GALNT17: variants seen among roughly 807,000 people sequenced by gnomAD.
GALNT17 encodes the protein UDP-GalNAc:polypeptide N-acetylgalactosaminyltransferase-like 3.
In GALNT17, 29 loss-of-function variants were observed where a neutral mutation model predicts 63.7. The ratio of observed to expected loss-of-function variants is 0.46; its 90% confidence interval spans 0.34 to 0.62. The LOEUF (loss-of-function observed/expected upper bound fraction) is 0.62, where lower values mean the gene tolerates loss of function less well. GALNT17 is among the 20% of genes least tolerant of loss of function. GALNT17 has a pLI of 0.01. For synonymous variants in GALNT17, 305 were observed against 318.3 expected (o/e 0.96, Z 0.45); for missense variants, 603 against 799.6 (o/e 0.75, Z 2.97).
chr7:71,530,084 C>A (rs1156511713), intron 5 of GALNT17, among the ~76,000 whole-genome samples: 1 of 152,156 alleles, frequency 6.6e-6, no homozygotes, highest in African/African-American at 2.4e-5. Context: ...TCCATTTTAA[C>A]CAAGGCAGTG....
intron 1 of GALNT17, among the ~76,000 whole-genome samples, chr7:71,253,858 C>T (rs1338349161): frequency 6.6e-6 from 1 of 152,166 alleles, no homozygotes; most frequent in African/African-American, 2.4e-5. Context: ...TTCCACAGTA[C>T]CATGAATTGT....
At chr7:71,214,923 C>A (rs1044282728) in intron 1 of GALNT17, among the ~76,000 whole-genome samples, 6 of 152,142 alleles carry the variant, frequency 3.9e-5, no homozygotes, top group African/African-American at 1.4e-4. Flanking sequence ...AGATTAGGTT[C>A]CTTGTTGCAT....
At chr7:71,327,112 C>G (rs547047739) in intron 1 of GALNT17, among the ~76,000 whole-genome samples, 2 of 152,168 alleles carry the variant, frequency 1.3e-5, no homozygotes, top group African/African-American at 2.4e-5. Context: ...GTGTGTCAGG[C>G]ACTGGAGGTG....
intron 9 of GALNT17, among the ~76,000 whole-genome samples, chr7:71,703,646 G>T (rs1791683762): frequency 6.6e-6 from 1 of 152,156 alleles, no homozygotes. Context: ...AGTAACAATG[G>T]CAGAAGTTAG....
intron 6 of GALNT17, among the ~76,000 whole-genome samples, chr7:71,648,283 T>TC (rs1399406020): frequency 6.6e-6 from 1 of 152,132 alleles, no homozygotes; most frequent in African/African-American, 2.4e-5. Context: ...TTTTTTTTTT[T>TC]TTTAAGAGAC....
chr7:71,388,551 G>A, intron 3 of GALNT17, 150 bp downstream of exon 3: 1 of 998,746 alleles, frequency 1.0e-6, no homozygotes, highest in Non-Finnish European at 1.4e-6. Context: ...TTTTGAGATG[G>A]AGTCTTGCTG....
intron 8 of GALNT17, among the ~76,000 whole-genome samples, chr7:71,674,077 G>C (rs1294504024): frequency 6.6e-6 from 1 of 152,210 alleles, no homozygotes; most frequent in Admixed American, 6.5e-5. Flanking sequence ...ATTTGGAAGA[G>C]AGAAGCCTTT....
chr7:71,646,914 T>A (rs1207043092), intron 6 of GALNT17, among the ~76,000 whole-genome samples: 1 of 151,144 alleles, frequency 6.6e-6, no homozygotes, highest in African/African-American at 2.4e-5. Flanking sequence ...ACCCAGCTAA[T>A]TTTTTGTATT....
chr7:71,377,114 A>AAAAAAAAAAAATATATATAT, intron 2 of GALNT17, among the ~76,000 whole-genome samples: 1 of 57,486 alleles, frequency 1.7e-5, no homozygotes, highest in African/African-American at 9.4e-5. Flanking sequence ...AAATAAAAAA[A>AAAAAAAAAAAATATATATAT]ATATATATAT....
chr7:71,705,136 G>A (rs565011388), intron 9 of GALNT17, among the ~76,000 whole-genome samples: 98 of 152,246 alleles, frequency 6.4e-4, no homozygotes, highest in African/African-American at 2.3e-3. Flanking sequence ...TTAGTATCCA[G>A]AATATGTAAA....
At chr7:71,406,050 G>C (rs1211556538) in intron 3 of GALNT17, among the ~76,000 whole-genome samples, 1 of 152,142 alleles carries the variant, frequency 6.6e-6, no homozygotes, top group African/African-American at 2.4e-5. Flanking sequence ...GGAATGTTAC[G>C]AGTTTCCAAG....
chr7:71,710,685 A>AC, intron 9 of GALNT17, 76 bp from the exon 10 acceptor site: 1 of 1,538,910 alleles, frequency 6.5e-7, no homozygotes. Flanking sequence ...AAGCCGAGAG[A>AC]CCTGAGCCCT....
At chr7:71,656,226 G>A (rs1167116518) in intron 6 of GALNT17, among the ~76,000 whole-genome samples, 1 of 152,138 alleles carries the variant, frequency 6.6e-6, no homozygotes, top group Non-Finnish European at 1.5e-5. Flanking sequence ...ACGCCCACAT[G>A]CTGGCAGGAT....
At chr7:71,687,310 A>G (rs998955885) in intron 9 of GALNT17, among the ~76,000 whole-genome samples, 35 of 152,186 alleles carry the variant, frequency 2.3e-4, no homozygotes, top group African/African-American at 7.0e-4. Context: ...ACATCATCCA[A>G]ACACCTTGTC....
At chr7:71,666,807 T>TA (rs5884852) in intron 7 of GALNT17, among the ~76,000 whole-genome samples, 1 of 26,020 alleles carries the variant, frequency 3.8e-5, no homozygotes, top group African/African-American at 3.2e-4. Context: ...TTTATTTGTA[T>TA]TTTTTATTGT....
intron 1 of GALNT17, among the ~76,000 whole-genome samples, chr7:71,304,754 C>CT (rs549137032): frequency 0.013 from 1,931 of 145,196 alleles, 31 homozygotes; most frequent in African/African-American, 0.042. Context: ...TTTCTTTTTT[C>CT]TTTTTTTTTT....
intron 5 of GALNT17, among the ~76,000 whole-genome samples, chr7:71,433,221 G>C (rs1221315781): frequency 6.6e-6 from 1 of 152,126 alleles, no homozygotes; most frequent in Non-Finnish European, 1.5e-5. Flanking sequence ...TGTATAGAGG[G>C]CTCTAAAAAC....
chr7:71,184,006 C>T (rs1788784793), intron 1 of GALNT17, among the ~76,000 whole-genome samples: 1 of 152,180 alleles, frequency 6.6e-6, no homozygotes, highest in Non-Finnish European at 1.5e-5. Flanking sequence ...GTCCTAACCT[C>T]CAGCACCTCC....
chr7:71,601,604 A>G (rs1363839361), intron 6 of GALNT17, among the ~76,000 whole-genome samples: 1 of 152,072 alleles, frequency 6.6e-6, no homozygotes, highest in Non-Finnish European at 1.5e-5. Flanking sequence ...CAACACAGGA[A>G]GACCCTGTTT....
Sources: allele counts gnomAD v4.1 joint callset (sites outside exome capture counted in the v4.1 genomes callset), GRCh38; gene constraint gnomAD v4.1.1; transcripts MANE v1.5; gene names NCBI Gene and HGNC (gene_info 2026-07-23, HGNC 2026-07-21).